The following HELLS variants were observed in gnomAD, a reference collection of about 807,000 sequenced individuals.
The protein encoded by HELLS is helicase, lymphoid specific, also known as lymphoid-specific helicase.
Under a neutral mutation model 120.0 loss-of-function variants are expected in HELLS, and 32 were observed. The ratio of observed to expected loss-of-function variants is 0.27; its 90% confidence interval spans 0.20 to 0.36. The LOEUF is 0.36. HELLS is among the 10% of genes least tolerant of loss of function. The probability of loss-of-function intolerance (pLI) is 1.00; values close to 1 mark genes in which losing one functional copy is unlikely to be tolerated. For missense variants in HELLS, 650 were observed against 993.4 expected, an observed-to-expected ratio of 0.65 and a Z score of 4.65; for synonymous variants, 341 against 323.4, an observed-to-expected ratio of 1.05 and a Z score of -0.58.
chr10:94,546,258 C>G, intron 1 of HELLS, 119 bp from the exon 2 acceptor site: 1 of 1,213,828 alleles, frequency 8.2e-7, no homozygotes, highest in Non-Finnish European at 1.2e-6. Context: ...GCTGGCGTCC[C>G]CTCGGTCTTC....
chr10:94,561,754 A>G (rs1307807017), intron 4 of HELLS, among the ~76,000 whole-genome samples: 1 of 152,152 alleles, frequency 6.6e-6, no homozygotes, highest in Non-Finnish European at 1.5e-5. Flanking sequence ...GGTGTGAGCC[A>G]CTGCACCTGG....
At chr10:94,550,447 T>A (rs1403442772) in intron 2 of HELLS, among the ~76,000 whole-genome samples, 2 of 151,976 alleles carry the variant, frequency 1.3e-5, no homozygotes, top group African/African-American at 2.4e-5. Flanking sequence ...CCCAGCTAAT[T>A]TTTTTTGTAT....
downstream of HELLS, among the ~76,000 whole-genome samples, chr10:94,606,876 A>C (rs1187821571): frequency 6.6e-6 from 1 of 152,214 alleles, no homozygotes; most frequent in Non-Finnish European, 1.5e-5. Flanking sequence ...TGATTTCACT[A>C]GACCATTTAT....
At chr10:94,600,719 A>T (rs1226534234) in intron 21 of HELLS, among the ~76,000 whole-genome samples, 1 of 152,212 alleles carries the variant, frequency 6.6e-6, no homozygotes, top group East Asian at 1.9e-4. Flanking sequence ...TATTAAAGGT[A>T]GAATTTTAAC....
chr10:94,598,771 T>C (rs1845874148), intron 21 of HELLS, among the ~76,000 whole-genome samples: 1 of 152,138 alleles, frequency 6.6e-6, no homozygotes, highest in Non-Finnish European at 1.5e-5. Flanking sequence ...GATTTTTATG[T>C]CATCTGTAAC....
At chr10:94,551,378 CA>C (rs1842974053) in intron 2 of HELLS, among the ~76,000 whole-genome samples, 1 of 151,810 alleles carries the variant, frequency 6.6e-6, no homozygotes, top group African/African-American at 2.4e-5. Context: ...GCAGCCTGGC[CA>C]AGATGGTGAA....
chr10:94,577,688 G>T (rs1290571157), intron 10 of HELLS: 1 of 152,312 alleles, frequency 6.6e-6, no homozygotes, highest in Non-Finnish European at 1.5e-5. Context: ...GCACTTGGGA[G>T]TCTGAGGTGG....
Position 94,574,569 on chromosome 10 carries a change from G to T in HELLS, c.721G>T (p.Gly241Ter). The T allele has an allele frequency of 1.2e-6, 2 of 1,612,904 alleles. No individual in the cohort carries two copies. The highest frequency in any genetic ancestry group is 1.7e-6 in the Non-Finnish European group (2 of 1,179,066). Residue 241 changes from glycine to a stop codon, truncating the protein, a stop_gained, in exon 9 of 22, where the codon GGA (glycine) becomes TGA (stop). Transcript: ENST00000348459. LOFTEE classifies it high-confidence loss of function. ...MEWLRMLWEN[G>*]INGILADEMG... Reference sequence around the variant, plus strand: ...TTTTGTCCAGATGCTTTGGGAAAATGGAATTAATGGCATTTTAGCAGATGA... The same window carrying T: ...TTTTGTCCAGATGCTTTGGGAAAATTGAATTAATGGCATTTTAGCAGATGA...
At chr10:94,548,293 A>G (rs1488805704) in intron 2 of HELLS, among the ~76,000 whole-genome samples, 1 of 152,180 alleles carries the variant, frequency 6.6e-6, no homozygotes, top group African/African-American at 2.4e-5. Context: ...GATGAATTAT[A>G]AAGTATAAAT....
At chr10:94,577,366 CT>C (rs1286152394) in intron 10 of HELLS, 53 of 212,094 alleles carry the variant, frequency 2.5e-4, no homozygotes, top group South Asian at 9.9e-4. Context: ...TTCTTGACTG[CT>C]TTTTTTTTCC....
At chr10:94,549,720 AC>A (rs1842893669) in intron 2 of HELLS, among the ~76,000 whole-genome samples, 1 of 152,168 alleles carries the variant, frequency 6.6e-6, no homozygotes, top group Non-Finnish European at 1.5e-5. Flanking sequence ...CCTGCCAGGC[AC>A]TCAGTGCTTT....
chr10:94,567,687 C>G lies in HELLS; in HGVS notation c.436-3701C>G, dbSNP rs1843892121. 2.0e-5 allele frequency among the ~76,000 whole-genome samples: 3 copies of G among 152,154 alleles called. No individual in the cohort carries two copies. The South Asian group carries it at 6.2e-4, about 31-fold the overall frequency. On this transcript the variant is annotated intron_variant, in intron 6 of 21. Transcript: ENST00000348459. ...TTGGGAGGCCAGGGTGAGAGGATCACTTAAGCCCAGGAGTTTAAGACTAGT... is the reference window on the plus strand; with the variant it reads ...TTGGGAGGCCAGGGTGAGAGGATCAGTTAAGCCCAGGAGTTTAAGACTAGT...
intron 4 of HELLS, among the ~76,000 whole-genome samples, chr10:94,560,894 A>G (rs1159195107): frequency 6.6e-6 from 1 of 151,946 alleles, no homozygotes; most frequent in African/African-American, 2.4e-5. Flanking sequence ...AGTCTCTACT[A>G]AAAATACAAA....
In HELLS at chr10:94,601,546, G is replaced by A. The variant is rs749409791; in HGVS notation, c.2441G>A (p.Gly814Glu). The A allele has an allele frequency of 6.4e-7, 1 of 1,552,958 alleles. No individual in the cohort carries two copies. The highest frequency in any genetic ancestry group is 1.1e-5 in the South Asian group (1 of 87,754). The change falls in exon 22 of 22, where the codon GGA becomes GAA. Residue 814 changes from glycine (G) to glutamate (E), a missense_variant. By Grantham distance (98) the Gly-to-Glu change is moderately conservative (BLOSUM62 -2). Coordinates refer to ENST00000348459, the MANE Select transcript of HELLS (RefSeq NM_018063.5). ...SDLIDQMNAS[G>E]PIKEKMGIFK... ...CCCTTAGATCAAATGAATGCTTCAG[G>A]ACCAATTAAAGAGAAGATGGGGATA...
intron 2 of HELLS, among the ~76,000 whole-genome samples, chr10:94,553,746 C>T (rs1039436153): frequency 6.6e-6 from 1 of 151,798 alleles, no homozygotes; most frequent in Non-Finnish European, 1.5e-5. Flanking sequence ...TGGGGTTTCT[C>T]CATGTTGGTC....
At chr10:94,595,309 C>T (rs11188040) in intron 19 of HELLS, among the ~76,000 whole-genome samples, 55,925 of 151,782 alleles carry the variant, frequency 0.37, 10,840 homozygotes, top group East Asian at 0.68. Context: ...AAGTTGGTCA[C>T]CATAGACATA....
At chr10:94,597,660 G>C (rs1440556712) in intron 21 of HELLS, among the ~76,000 whole-genome samples, 3 of 152,082 alleles carry the variant, frequency 2.0e-5, no homozygotes, top group Non-Finnish European at 4.4e-5. Flanking sequence ...AGCCTCCCTA[G>C]TAGCTAGTAT....
chr10:94,554,245 A>T lies in HELLS; in HGVS notation c.273A>T (p.Leu91Phe). The change falls in exon 3 of 22, where the codon TTA becomes TTT. Residue 91 changes from leucine (L) to phenylalanine (F), a missense_variant. Leu to Phe is a conservative substitution (Grantham distance 22). Coordinates refer to ENST00000348459, the MANE Select transcript of HELLS (RefSeq NM_018063.5). ...FLLTKMEQQQ[L>F]EEQKKKEKLE... ...TGACGAAAATGGAACAGCAACAATTAGAGGTATGTATATGTAACTGACTAC... is the reference window on the plus strand; with the variant it reads ...TGACGAAAATGGAACAGCAACAATTTGAGGTATGTATATGTAACTGACTAC... 6.4e-7 allele frequency: 1 copy of T among 1,562,228 alleles called. No individual in the cohort carries two copies.
chr10:94,584,050 GC>G, intron 12 of HELLS: 2 of 1,211,646 alleles, frequency 1.7e-6, no homozygotes, highest in Non-Finnish European at 2.3e-6. Context: ...AAGGCAAATT[GC>G]CCTCCAGAAA....
Sources: allele counts gnomAD v4.1 joint callset (sites outside exome capture counted in the v4.1 genomes callset), GRCh38; gene constraint gnomAD v4.1.1; transcripts MANE v1.5; gene names NCBI Gene and HGNC (gene_info 2026-07-23, HGNC 2026-07-21).